The following PPA2 variants were observed in gnomAD, a reference collection of about 807,000 sequenced individuals.
PPA2 encodes inorganic pyrophosphatase 2, mitochondrial.
A neutral mutation model predicts 49.5 loss-of-function variants in PPA2; 48 were observed. The observed-to-expected ratio is 0.97, with a 90% CI of 0.77 to 1.23. The LOEUF (loss-of-function observed/expected upper bound fraction) is 1.23, where lower values mean the gene tolerates loss of function less well. Among genes scored for constraint, PPA2 ranks in the 50% most tolerant of loss-of-function variants. PPA2 has a pLI of 0.00. For synonymous variants in PPA2, 131 were observed against 139.9 expected, an observed-to-expected ratio of 0.94 and a Z score of 0.45; for missense variants, 429 against 410.1, an observed-to-expected ratio of 1.05 and a Z score of -0.40.
In PPA2 at chr4:105,467,303, G is replaced by C. The variant is rs542307157; in HGVS notation, c.157+6591C>G. 2.2e-4 allele frequency among the ~76,000 whole-genome samples: 33 copies of C among 152,320 alleles called. No individual in the cohort carries two copies. The South Asian group carries it at 6.6e-3, about 31-fold the overall frequency. On this transcript the variant is annotated intron_variant, in intron 1 of 11. Coordinates refer to ENST00000341695, the MANE Select transcript of PPA2 (RefSeq NM_176869.3). The stretch of plus-strand genomic sequence containing the variant: ...AGGGAAGAGATCAAGTAGACCTCTA[G>C]GGAGGAGCACTGAAGGCATAAAAAG...
At chr4:105,414,991 C>A (rs185692265) in intron 7 of PPA2, among the ~76,000 whole-genome samples, 1 of 152,096 alleles carries the variant, frequency 6.6e-6, no homozygotes, top group African/African-American at 2.4e-5. Context: ...ACATCCAGAG[C>A]GGGTAGCTCC....
intron 5 of PPA2, among the ~76,000 whole-genome samples, chr4:105,444,776 T>C (rs1724528156): frequency 6.6e-6 from 1 of 152,214 alleles, no homozygotes. Flanking sequence ...AGTTTAGTTC[T>C]TGATTGCCCC....
At chr4:105,391,783 T>C (rs1026421491) in intron 9 of PPA2, among the ~76,000 whole-genome samples, 1 of 152,150 alleles carries the variant, frequency 6.6e-6, no homozygotes, top group Non-Finnish European at 1.5e-5. Context: ...TCATAAGACG[T>C]TTTTAGGCAT....
chr4:105,451,521 G>A (rs1005819024), intron 3 of PPA2, among the ~76,000 whole-genome samples: 1 of 152,062 alleles, frequency 6.6e-6, no homozygotes, highest in Non-Finnish European at 1.5e-5. Flanking sequence ...CTTTCATGAG[G>A]TACCCCTGCA....
At chr4:105,411,939 G>A (rs995182884) in intron 7 of PPA2, among the ~76,000 whole-genome samples, 1 of 152,134 alleles carries the variant, frequency 6.6e-6, no homozygotes. Context: ...CAAAATAAAA[G>A]AAGCCACAAA....
In PPA2 at chr4:105,369,228, C is replaced by CTT. The variant is rs35271623; in HGVS notation, c.*495_*496dup. The CTT allele has an allele frequency of 0.013, 1,925 of 144,540 alleles. 43 individuals are homozygous for CTT. The highest frequency in any genetic ancestry group is 0.046 in the African/African-American group (1,811 of 39,304). The allele number at this position is 144,540 out of a possible 1,614,324, so 9.0% of individuals were successfully genotyped here. On this transcript the variant is annotated 3_prime_UTR_variant, in exon 12 of 12. Transcript: ENST00000341695. Reference sequence around the variant, plus strand: ...TTTGTGCTATGAAATGAAACAAAATCTTTTTTTTTTTTTTGAGACGGAGTC... The same window carrying CTT: ...TTTGTGCTATGAAATGAAACAAAATCTTTTTTTTTTTTTTTTGAGACGGAGTC...
chr4:105,389,719 A>G (rs1320661774), intron 9 of PPA2, among the ~76,000 whole-genome samples: 1 of 152,156 alleles, frequency 6.6e-6, no homozygotes, highest in Admixed American at 6.6e-5. Flanking sequence ...TTCAAATCAA[A>G]CAATGGCCCA....
rs1299616153 is a variant in PPA2 at position 105,454,993 on chromosome 4, A to G, written c.223-1351T>C. On this transcript the variant is annotated intron_variant, in intron 2 of 11. Coordinates refer to ENST00000341695, the MANE Select transcript of PPA2 (RefSeq NM_176869.3). The stretch of plus-strand genomic sequence containing the variant: ...GATTTTGCTATAGCATACCCCTGAC[A>G]ACACTACCCACCAGTCACATTTTAT... 1.2e-4 allele frequency among the ~76,000 whole-genome samples: 18 copies of G among 152,266 alleles called. No homozygotes were observed. In the Middle Eastern group the frequency reaches 0.017, roughly 144 times the overall value.
chr4:105,390,545 C>T (rs1733871616), intron 9 of PPA2, among the ~76,000 whole-genome samples: 1 of 151,778 alleles, frequency 6.6e-6, no homozygotes, highest in Non-Finnish European at 1.5e-5. Flanking sequence ...AGCCAACAAA[C>T]ATGAAAAAAA....
At chr4:105,470,150 C>T (rs1217640647) in intron 1 of PPA2, among the ~76,000 whole-genome samples, 5 of 152,140 alleles carry the variant, frequency 3.3e-5, no homozygotes, top group Non-Finnish European at 7.4e-5. Flanking sequence ...CCTATGAGAA[C>T]AGTATGAAAT....
chr4:105,467,693 G>T (rs918464413), intron 1 of PPA2, among the ~76,000 whole-genome samples: 1 of 152,148 alleles, frequency 6.6e-6, no homozygotes, highest in Admixed American at 6.5e-5. Flanking sequence ...AGTGAGAAGG[G>T]TGGAAGTGGA....
chr4:105,465,174 A>G (rs1723251219), intron 1 of PPA2, among the ~76,000 whole-genome samples: 1 of 152,188 alleles, frequency 6.6e-6, no homozygotes, highest in African/African-American at 2.4e-5. Context: ...AAACATCCCA[A>G]ATAATTCTTA....
chr4:105,438,237 T>C (rs986526757), intron 5 of PPA2, among the ~76,000 whole-genome samples: 2 of 152,242 alleles, frequency 1.3e-5, no homozygotes, highest in Non-Finnish European at 2.9e-5. Flanking sequence ...ATTTCCTCCA[T>C]CTCTCAGTTG....
intron 9 of PPA2, among the ~76,000 whole-genome samples, chr4:105,392,006 CAGAT>C (rs113074228): frequency 4.0e-5 from 6 of 150,524 alleles, no homozygotes; most frequent in African/African-American, 1.2e-4. Context: ...ATATGTAAGA[CAGAT>C]GGATCAAAAT....
At position 105,429,561 on chromosome 4, in the gene PPA2, A is replaced by T. The variant is rs1246341493; in HGVS notation, c.529-5239T>A. Among the ~76,000 whole-genome samples, 5 of 152,342 alleles carry T rather than the reference A, an allele frequency of 3.3e-5. No homozygotes were observed. The East Asian group carries it at 9.6e-4, about 29-fold the overall frequency. On this transcript the variant is annotated intron_variant, in intron 6 of 11. Coordinates refer to ENST00000341695, the MANE Select transcript of PPA2 (RefSeq NM_176869.3). ...GTAAGTAAAAGCAATCCATATATTT[A>T]AAAAATTAGGCACCAAGAAAGTGGA...
intron 6 of PPA2, among the ~76,000 whole-genome samples, chr4:105,426,950 T>C (rs1323884653): frequency 6.6e-6 from 1 of 152,166 alleles, no homozygotes. Flanking sequence ...CACCTCCCAG[T>C]AGAGGCCGAC....
chr4:105,469,875 C>G (rs2110334884), intron 1 of PPA2, among the ~76,000 whole-genome samples: 1 of 152,300 alleles, frequency 6.6e-6, no homozygotes, highest in Admixed American at 6.5e-5. Context: ...ACGGGAAGTT[C>G]TCTTTTAAGT....
intron 8 of PPA2, 32 bp from the exon 9 acceptor site, chr4:105,396,366 T>C (rs143810470): frequency 2.8e-6 from 4 of 1,428,292 alleles, no homozygotes; most frequent in East Asian, 4.8e-5. Context: ...AAAAAAGACG[T>C]ATTTAATATC....
intron 9 of PPA2, among the ~76,000 whole-genome samples, chr4:105,388,819 C>T (rs1396107157): frequency 4.2e-5 from 4 of 95,464 alleles, no homozygotes; most frequent in Admixed American, 1.3e-4. Flanking sequence ...AGCAAGGCAA[C>T]GTCTCCAAAA....
Sources: allele counts gnomAD v4.1 joint callset (sites outside exome capture counted in the v4.1 genomes callset), GRCh38; gene constraint gnomAD v4.1.1; transcripts MANE v1.5; gene names NCBI Gene and HGNC (gene_info 2026-07-23, HGNC 2026-07-21).